The following CTSH variants were observed in gnomAD, a reference collection of about 807,000 sequenced individuals.
CTSH encodes cathepsin H, also known as pro-cathepsin H.
A neutral mutation model predicts 56.3 loss-of-function variants in CTSH; 52 were observed. That is an observed-to-expected ratio of 0.92 (90% CI 0.74 to 1.16). The LOEUF is 1.16. CTSH is among the 50% of genes most tolerant of loss of function. The pLI is 0.00. For missense variants in CTSH, 406 were observed against 424.5 expected, an observed-to-expected ratio of 0.96 and a Z score of 0.38; for synonymous variants, 174 against 155.7, an observed-to-expected ratio of 1.12 and a Z score of -0.88.
chr15:78,928,149 CAAGG>C (rs1400120325), intron 8 of CTSH, among the ~76,000 whole-genome samples: 1 of 149,128 alleles, frequency 6.7e-6, no homozygotes, highest in East Asian at 1.9e-4. Context: ...GGTAAGGTCA[CAAGG>C]AGGGAAGCGC....
chr15:78,922,956 A>AT (rs760030135), intron 11 of CTSH, 37 bp downstream of exon 11: 3 of 1,588,114 alleles, frequency 1.9e-6, no homozygotes, highest in Non-Finnish European at 2.6e-6. Flanking sequence ...CCTGAGCAAC[A>AT]TCCCCCTCCC....
At chr15:78,944,381 C>T (rs773233178) in intron 1 of CTSH, among the ~76,000 whole-genome samples, 6 of 152,204 alleles carry the variant, frequency 3.9e-5, no homozygotes, top group Non-Finnish European at 7.3e-5. Context: ...CGCTGTTGGT[C>T]TGAGTGCTTT....
chr15:78,930,265 C>T (rs142157787), intron 7 of CTSH, among the ~76,000 whole-genome samples: 32 of 152,366 alleles, frequency 2.1e-4, no homozygotes, highest in African/African-American at 7.7e-4. Context: ...GTGGCTCACA[C>T]CTGTAATCCC....
Position 78,935,663 on chromosome 15 carries a change from C to A in CTSH, c.300+17G>T, listed in dbSNP as rs1425814301. 1.3e-6 allele frequency: 2 copies of A among 1,588,298 alleles called. No individual in the cohort carries two copies. Among genetic ancestry groups the A allele is most frequent in the Non-Finnish European group, 1.7e-6 (2 of 1,161,364 alleles). On this transcript the variant is annotated intron_variant, in intron 4 of 11. Transcript: ENST00000220166. ...CAGTAAAAGGATTCAGATTTGGTTG[C>A]AATGAATTATACCTACCTGAGGCTC...
In CTSH at chr15:78,929,450, C is replaced by G; in HGVS notation, c.592G>C (p.Gly198Arg). Residue 198 changes from glycine to arginine, a missense_variant, in exon 8 of 12, where the codon GGG (glycine) becomes CGG (arginine). By Grantham distance (125) the Gly-to-Arg change is moderately radical. Transcript: ENST00000220166. ...QAFEYILYNK[G>R]IMGEDTYPYQ... ...GGGTAGGTGTCTTCACCCATGATCC[C>G]CTTGTTGTACAGGATATACTCGAAA... is the stretch of plus-strand genomic sequence containing the variant. 6.2e-7 allele frequency: 1 copy of G among 1,612,204 alleles called. No homozygotes were observed. Among genetic ancestry groups the G allele is most frequent in the Non-Finnish European group, 8.5e-7 (1 of 1,179,036 alleles).
In CTSH at chr15:78,932,461, G is replaced by C. The variant is rs374675140; in HGVS notation, c.406-3C>G. On this transcript the variant is annotated splice_region_variant and splice_polypyrimidine_tract_variant and intron_variant, in intron 5 of 11. Coordinates refer to ENST00000220166, the MANE Select transcript of CTSH (RefSeq NM_004390.5). Reference sequence around the variant, plus strand: ...GTCCAGCAACTGCCGCAGGCACCCTGGAAAGGCCAGGGGAGAGCAGAGGAC... The same window carrying C: ...GTCCAGCAACTGCCGCAGGCACCCTCGAAAGGCCAGGGGAGAGCAGAGGAC... 5.0e-6 allele frequency: 8 copies of C among 1,612,742 alleles called. No homozygotes were observed. The highest frequency in any genetic ancestry group is 1.7e-4 in the Middle Eastern group (1 of 5,976).
intron 2 of CTSH, chr15:78,937,809 G>C: frequency 7.7e-7 from 1 of 1,293,594 alleles, no homozygotes. Context: ...CCAGTACACA[G>C]TGTGCTTTGG....
chr15:78,925,450 C>T lies in CTSH; in HGVS notation c.700-10G>A, dbSNP rs746625520. On this transcript the variant is annotated splice_polypyrimidine_tract_variant and intron_variant, in intron 9 of 11. Transcript: ENST00000220166. ...TCGCTTCCTCGTCATACTGTGGAAA[C>T]AGGACCGAGACAGAAACACATGGCC... is the stretch of plus-strand genomic sequence containing the variant. The T allele has an allele frequency of 1.3e-6, 2 of 1,590,314 alleles. No individual in the cohort carries two copies. The highest frequency in any genetic ancestry group is 1.7e-6 in the Non-Finnish European group (2 of 1,158,654).
At chr15:78,934,060 T>C (rs1460586330) in intron 5 of CTSH, among the ~76,000 whole-genome samples, 1 of 152,012 alleles carries the variant, frequency 6.6e-6, no homozygotes, top group African/African-American at 2.4e-5. Context: ...TCTCAGAGGG[T>C]CTAAAAATGT....
chr15:78,926,518 C>G (rs1233477883), intron 9 of CTSH: 1 of 152,290 alleles, frequency 6.6e-6, no homozygotes, highest in Non-Finnish European at 1.5e-5. Flanking sequence ...CAATGAGGCT[C>G]TCCTGGGGAC....
rs754203655 is a variant in CTSH at position 78,939,533 on chromosome 15, C to G, written c.92-362G>C. Among the ~76,000 whole-genome samples the G allele has an allele frequency of 1.2e-4, 18 of 152,312 alleles. No homozygotes were observed. The South Asian group carries it at 2.7e-3, about 23-fold the overall frequency. ...TTGAGAAAATTCGTGGAAATGCATA[C>G]TCAATGATTTGTGCCCCTTTCTGTA... On this transcript the variant is annotated intron_variant, in intron 1 of 11. Transcript: ENST00000220166.
intron 1 of CTSH, among the ~76,000 whole-genome samples, chr15:78,944,166 G>C (rs2055346810): frequency 6.6e-6 from 1 of 152,216 alleles, no homozygotes; most frequent in Admixed American, 6.5e-5. Context: ...CCTGTGGGCT[G>C]AGGCTGGGAC....
rs1029365727 is a variant in CTSH at position 78,927,922 on chromosome 15, A to T, written c.631-141T>A. ...GGATAATTTCAGAGAGAATTAAAGC[A>T]TCCTTGTCCTCAAGGAGCTTAGGGT... is the stretch of plus-strand genomic sequence containing the variant. On this transcript the variant is annotated intron_variant, in intron 8 of 11. Coordinates refer to ENST00000220166, the MANE Select transcript of CTSH (RefSeq NM_004390.5). 3 of 707,830 alleles carry T rather than the reference A, an allele frequency of 4.2e-6. No individual in the cohort carries two copies. The African/African-American group carries it at 5.3e-5, about 12-fold the overall frequency. The allele number at this position is 707,830 out of a possible 1,614,324, so 43.8% of individuals were successfully genotyped here.
At chr15:78,922,504 G>C (rs1194882496) in intron 11 of CTSH, among the ~76,000 whole-genome samples, 3 of 152,040 alleles carry the variant, frequency 2.0e-5, no homozygotes, top group Non-Finnish European at 4.4e-5. Context: ...TTATCACCAG[G>C]AGCCCGAGGG....
intron 2 of CTSH, among the ~76,000 whole-genome samples, chr15:78,938,108 C>T (rs1389112597): frequency 1.1e-4 from 17 of 152,336 alleles, no homozygotes; most frequent in Non-Finnish European, 1.0e-4. Flanking sequence ...GTGGCTCACG[C>T]CTGTAATCCC....
intron 1 of CTSH, among the ~76,000 whole-genome samples, chr15:78,940,920 C>T (rs1567379693): frequency 6.6e-6 from 1 of 152,194 alleles, no homozygotes; most frequent in Non-Finnish European, 1.5e-5. Context: ...GATTGTGCCA[C>T]TGCACCCCAG....
chr15:78,933,472 T>G (rs201296761), intron 5 of CTSH: 1 of 234,054 alleles, frequency 4.3e-6, no homozygotes, highest in South Asian at 2.7e-5. Context: ...GAAATGTCTC[T>G]TAAGTCCCCT....
chr15:78,924,119 A>AGGGGGGGGGGGG (rs1567345760), intron 10 of CTSH, among the ~76,000 whole-genome samples: 1 of 2,286 alleles, frequency 4.4e-4, no homozygotes, highest in Non-Finnish European at 8.9e-4. Flanking sequence ...GAGGGTGGGC[A>AGGGGGGGGGGGG]GGGTGGGTCA....
At chr15:78,938,488 TC>T (rs2055222957) in intron 2 of CTSH, among the ~76,000 whole-genome samples, 1 of 152,222 alleles carries the variant, frequency 6.6e-6, no homozygotes, top group South Asian at 2.1e-4. Context: ...CACTTTTTTA[TC>T]TCCCACATAC....
Sources: gnomAD v4.1 joint callset for allele counts (sites outside exome capture counted in the v4.1 genomes callset) on GRCh38, gnomAD v4.1.1 for gene constraint, MANE v1.5 for transcripts, NCBI Gene and HGNC (gene_info 2026-07-23, HGNC 2026-07-21) for gene names.